The following CCM2 variants were observed in gnomAD, a reference collection of about 807,000 sequenced individuals.
CCM2 encodes CCM2 scaffold protein, also known as cerebral cavernous malformations 2 protein.
A neutral mutation model predicts 44.9 loss-of-function variants in CCM2; 25 were observed. The ratio of observed to expected loss-of-function variants is 0.56; its 90% confidence interval spans 0.41 to 0.78. CCM2 has a LOEUF of 0.78. CCM2 is among the 30% of genes least tolerant of loss of function. The pLI is 0.00. For missense variants in CCM2, 481 were observed against 580.6 expected (o/e 0.83, Z 1.76); for synonymous variants, 219 against 241.1 (o/e 0.91, Z 0.85).
intron 1 of CCM2, 100 bp downstream of exon 1, chr7:45,000,463 G>GT (rs1247327565): frequency 3.2e-5 from 7 of 216,338 alleles, no homozygotes; most frequent in East Asian, 2.4e-4. Flanking sequence ...CCGGGGGGGG[G>GT]GGCAGTGGGC....
chr7:45,016,640 C>CTT (rs138906479), intron 1 of CCM2, among the ~76,000 whole-genome samples: 1 of 128,508 alleles, frequency 7.8e-6, no homozygotes. Context: ...AAACATGCAT[C>CTT]TTTTTTTTTT....
chr7:45,039,474 C>T (rs562878466), intron 2 of CCM2, among the ~76,000 whole-genome samples: 5 of 152,250 alleles, frequency 3.3e-5, no homozygotes, highest in South Asian at 2.1e-4. Context: ...GCCAGGCATC[C>T]GACGTCTGTC....
intron 1 of CCM2, chr7:45,029,387 A>C (rs920353311): frequency 1.3e-5 from 2 of 152,252 alleles, no homozygotes; most frequent in East Asian, 3.8e-4. Flanking sequence ...CCTGTAGCAG[A>C]GACATGCTGG....
intron 5 of CCM2, 99 bp downstream of exon 5, chr7:45,068,678 G>T: frequency 6.8e-7 from 1 of 1,479,540 alleles, no homozygotes. Flanking sequence ...GCTGGGCACT[G>T]CTGGGTGCCC....
intron 1 of CCM2, among the ~76,000 whole-genome samples, chr7:45,001,481 G>A (rs1392101825): frequency 2.6e-5 from 4 of 152,260 alleles, no homozygotes; most frequent in Non-Finnish European, 5.9e-5. Flanking sequence ...CAGTGTAAAA[G>A]GAGTTAGCTG....
chr7:45,070,046 C>T, intron 6 of CCM2, 85 bp downstream of exon 6: 1 of 1,528,446 alleles, frequency 6.5e-7, no homozygotes, highest in Non-Finnish European at 9.0e-7. Context: ...TGAGTTACTC[C>T]TGGAATAGCG....
intron 2 of CCM2, among the ~76,000 whole-genome samples, chr7:45,042,392 T>C (rs553746245): frequency 6.6e-6 from 1 of 152,110 alleles, no homozygotes; most frequent in South Asian, 2.1e-4. Context: ...AAAGATCTTA[T>C]GGGTTGAAAC....
intron 2 of CCM2, among the ~76,000 whole-genome samples, chr7:45,053,170 A>G (rs920127413): frequency 6.6e-6 from 1 of 152,160 alleles, no homozygotes; most frequent in Non-Finnish European, 1.5e-5. Flanking sequence ...CAGACCCTCT[A>G]TTTCAAAAAC....
intron 2 of CCM2, among the ~76,000 whole-genome samples, chr7:45,042,705 T>G (rs1403634111): frequency 6.6e-6 from 1 of 152,032 alleles, no homozygotes; most frequent in Non-Finnish European, 1.5e-5. Context: ...AATAGACCAA[T>G]TCCTTGAAAA....
chr7:45,016,663 T>G (rs1366110622), intron 1 of CCM2, among the ~76,000 whole-genome samples: 1 of 132,920 alleles, frequency 7.5e-6, no homozygotes, highest in African/African-American at 2.8e-5. Context: ...GATGGAGTCT[T>G]GCTCTGTTGC....
intron 2 of CCM2, among the ~76,000 whole-genome samples, chr7:45,057,131 C>T (rs557939520): frequency 6.6e-6 from 1 of 152,204 alleles, no homozygotes; most frequent in Admixed American, 6.5e-5. Context: ...TGACCATATA[C>T]ACAAGGGTCT....
intron 9 of CCM2, among the ~76,000 whole-genome samples, chr7:45,075,156 T>C (rs534104648): frequency 6.6e-5 from 10 of 152,334 alleles, no homozygotes; most frequent in African/African-American, 1.9e-4. Flanking sequence ...GTCTGTACAA[T>C]AGGTTCTGTC....
In CCM2 at chr7:45,029,002, A is replaced by C. The variant is rs534353909; in HGVS notation, c.31-9251A>C. Among the ~76,000 whole-genome samples the C allele has an allele frequency of 4.6e-5, 7 of 152,270 alleles. No homozygotes were observed. The East Asian group carries it at 1.4e-3, about 29-fold the overall frequency. ...TGTCTCTCTGGGACTATAGCCTATC[A>C]CTGTCCAGCTGGACAGAATCATCGC... is the stretch of plus-strand genomic sequence containing the variant. On this transcript the variant is annotated intron_variant, in intron 1 of 9. Transcript: ENST00000258781.
chr7:45,003,175 A>T (rs967154562), intron 1 of CCM2, among the ~76,000 whole-genome samples: 2 of 152,098 alleles, frequency 1.3e-5, no homozygotes, highest in East Asian at 3.9e-4. Flanking sequence ...TCCCGGGTTC[A>T]GGTGATTCTC....
intron 5 of CCM2, 50 bp from the exon 6 acceptor site, chr7:45,069,776 G>C (rs764635326): frequency 6.2e-7 from 1 of 1,611,960 alleles, no homozygotes; most frequent in South Asian, 1.1e-5. Flanking sequence ...CGCCTGGGAA[G>C]GCGCAGTCTC....
In CCM2 at chr7:45,017,125, A is replaced by G. The variant is rs548609176; in HGVS notation, c.30+16762A>G. 5.3e-5 allele frequency among the ~76,000 whole-genome samples: 8 copies of G among 152,368 alleles called. No homozygotes were observed. In the South Asian group the frequency reaches 6.2e-4, roughly 12 times the overall value. On this transcript the variant is annotated intron_variant, in intron 1 of 9. Transcript: ENST00000258781. The stretch of plus-strand genomic sequence containing the variant: ...TCAGGGGTACATGTGCAGGTTTGTT[A>G]TATAGGTAAACATCTGTCATGGGGA...
intron 9 of CCM2, 116 bp downstream of exon 9, chr7:45,074,524 T>C (rs1583996191): frequency 3.6e-6 from 3 of 832,234 alleles, no homozygotes; most frequent in East Asian, 5.3e-5. Flanking sequence ...CCATCAGGGA[T>C]GGGAGATTTG....
intron 2 of CCM2, among the ~76,000 whole-genome samples, chr7:45,039,464 G>A (rs750120615): frequency 1.3e-5 from 2 of 152,136 alleles, no homozygotes; most frequent in Non-Finnish European, 2.9e-5. Context: ...CAGGACTCCC[G>A]CCAGGCATCC....
At position 45,010,086 on chromosome 7, in the gene CCM2, T is replaced by G. The variant is rs149998401; in HGVS notation, c.30+9723T>G. Among the ~76,000 whole-genome samples the G allele has an allele frequency of 5.2e-4, 79 of 152,234 alleles. 1 individual carries two copies. The East Asian group carries it at 0.013, about 26-fold the overall frequency. ...CACCATGCCCAGCTAATTTTTTTTA[T>G]TTTTTGTAGAGACGAGGTCTCACTG... On this transcript the variant is annotated intron_variant, in intron 1 of 9. Coordinates refer to ENST00000258781, the MANE Select transcript of CCM2 (RefSeq NM_031443.4).
Sources: allele counts gnomAD v4.1 joint callset (sites outside exome capture counted in the v4.1 genomes callset), GRCh38; gene constraint gnomAD v4.1.1; transcripts MANE v1.5; gene names NCBI Gene and HGNC (gene_info 2026-07-23, HGNC 2026-07-21).